Variants in TRPV3 observed in about 807,000 individuals in gnomAD.
TRPV3 encodes VRL-3.
A neutral mutation model predicts 87.1 loss-of-function variants in TRPV3; 88 were observed. That is an observed-to-expected ratio of 1.01 (90% CI 0.85 to 1.21). TRPV3 has a LOEUF of 1.21. Among genes scored for constraint, TRPV3 ranks in the 50% most tolerant of loss-of-function variants. The probability of loss-of-function intolerance (pLI) is 0.00; values close to 1 mark genes in which losing one functional copy is unlikely to be tolerated. For synonymous variants in TRPV3, 438 were observed against 423.3 expected (o/e 1.03, Z -0.43); for missense variants, 1,054 against 1,030.1 (o/e 1.02, Z -0.32).
chr17:3,532,857 T>C lies in TRPV3; in HGVS notation c.865A>G (p.Ile289Val), dbSNP rs750019389. The change falls in exon 8 of 18, where the codon ATC becomes GTC. Residue 289 changes from isoleucine (I) to valine (V), a missense_variant. Transcript: ENST00000576742. ...TTGCCTCGTGAGTCCCGCGAGGTGA[T>C]GTCCGTCTGCTCGTGCTCCATCAGC... ...QLLMEHEQTD[I>V]TSRDSRGNNI... The C allele has an allele frequency of 1.2e-6, 2 of 1,614,248 alleles. No individual in the cohort carries two copies. The highest frequency in any genetic ancestry group is 3.3e-5 in the Admixed American group (2 of 60,034).
In TRPV3 at chr17:3,518,522, T is replaced by G; in HGVS notation, c.2085+54A>C. 1 of 1,511,888 alleles carries G rather than the reference T, an allele frequency of 6.6e-7. No individual in the cohort carries two copies. Among genetic ancestry groups the G allele is most frequent in the Non-Finnish European group, 8.9e-7 (1 of 1,127,660 alleles). 93.7% of individuals were successfully genotyped at this position (1,511,888 alleles called of 1,614,324 possible). ...GTGCTGACAGTAGTCAATGACCACG[T>G]GCTGAACTGAGTCCCGTGGAGGCCC... On this transcript the variant is annotated intron_variant, in intron 15 of 17. Coordinates refer to ENST00000576742, the MANE Select transcript of TRPV3 (RefSeq NM_145068.4). The surrounding 1 kb of genome is among the most constrained non-coding windows in gnomAD (Gnocchi z 4.3).
intron 14 of TRPV3, among the ~76,000 whole-genome samples, chr17:3,519,632 GATTAGATGGATGATTA>G (rs2074221391): frequency 6.4e-5 from 5 of 77,608 alleles, no homozygotes; most frequent in African/African-American, 2.4e-4. Flanking sequence ...ATGGATGGAT[GATTAGATGGATGATTA>G]GATGGATGGA....
intron 15 of TRPV3, among the ~76,000 whole-genome samples, chr17:3,517,634 A>T (rs2074194937): frequency 6.6e-6 from 1 of 150,896 alleles, no homozygotes; most frequent in Admixed American, 6.6e-5. Flanking sequence ...AAAAAAAAAA[A>T]AAAAAAAGGA....
At chr17:3,516,066 G>A (rs1264172664) in intron 16 of TRPV3, among the ~76,000 whole-genome samples, 1 of 152,038 alleles carries the variant, frequency 6.6e-6, no homozygotes, top group Non-Finnish European at 1.5e-5. Context: ...CATGCCTGTA[G>A]TCCCAGCTAC....
chr17:3,530,346 C>A lies in TRPV3; in HGVS notation c.1066-143G>T. 1 of 725,412 alleles carries A rather than the reference C, an allele frequency of 1.4e-6. No homozygotes were observed. The highest frequency in any genetic ancestry group is 2.2e-6 in the Non-Finnish European group (1 of 458,268). 44.9% of individuals were successfully genotyped at this position (725,412 alleles called of 1,614,324 possible). On this transcript the variant is annotated intron_variant, in intron 8 of 17. Coordinates refer to ENST00000576742, the MANE Select transcript of TRPV3 (RefSeq NM_145068.4). This position sits in a 1 kb window ranked among gnomAD's most constrained non-coding sequence, Gnocchi z 4.0. ...CCTGCCTCTGCGCCTGGCGCCATGGCCCCTGGGCCCCGTCTTTATCTGTGG... is the reference window on the plus strand; with the variant it reads ...CCTGCCTCTGCGCCTGGCGCCATGGACCCTGGGCCCCGTCTTTATCTGTGG...
At chr17:3,540,398 A>C (rs1353799981) in intron 6 of TRPV3, among the ~76,000 whole-genome samples, 1 of 152,156 alleles carries the variant, frequency 6.6e-6, no homozygotes, top group Non-Finnish European at 1.5e-5. Flanking sequence ...GAGAAAGAGG[A>C]GGTGCCCACA....
chr17:3,520,974 T>G lies in TRPV3; in HGVS notation c.1809A>C (p.Val603=), dbSNP rs763527283. Residue 603 remains valine, a splice_region_variant and synonymous_variant, in exon 14 of 18, where the codon GTA becomes GTC. Transcript: ENST00000576742. The stretch of plus-strand genomic sequence containing the variant: ...TACTATTATTTATAAATCAATTACC[T>G]ACTCCAAATCCAAGCAAAAACACGA... ...VYIVFLLGFG[V]ALASLIEKCP... The G allele has an allele frequency of 1.3e-6, 2 of 1,589,828 alleles. No individual in the cohort carries two copies. Among genetic ancestry groups the G allele is most frequent in the African/African-American group, 2.7e-5 (2 of 74,348 alleles).
intron 17 of TRPV3, 66 bp from the exon 18 acceptor site, chr17:3,514,077 T>C (rs1022124672): frequency 5.4e-5 from 73 of 1,344,226 alleles, no homozygotes; most frequent in Non-Finnish European, 6.8e-5. Flanking sequence ...CTTTTTTCTT[T>C]TTCTTTTTTT....
chr17:3,521,927 T>G (rs1276358894), intron 13 of TRPV3, among the ~76,000 whole-genome samples: 1 of 151,800 alleles, frequency 6.6e-6, no homozygotes, highest in East Asian at 1.9e-4. Flanking sequence ...AATACAAAAA[T>G]TAGCTGGGTG....
chr17:3,537,907 A>G lies in TRPV3; in HGVS notation c.644-2194T>C, dbSNP rs1456329314. Among the ~76,000 whole-genome samples, 212 of 138,912 alleles carry G rather than the reference A, an allele frequency of 1.5e-3. 1 individual carries two copies. The highest frequency in any genetic ancestry group is 2.4e-3 in the Non-Finnish European group (153 of 64,538). The allele number at this position is 138,912 out of a possible 152,430, so 91.1% of individuals were successfully genotyped here. On this transcript the variant is annotated intron_variant, in intron 6 of 17. Coordinates refer to ENST00000576742, the MANE Select transcript of TRPV3 (RefSeq NM_145068.4). The stretch of plus-strand genomic sequence containing the variant: ...TCTGTCTTTTTAAAAAAAAAAAAAA[A>G]AAAAAGGCATGCCAGGCACGGTGGC...
At position 3,556,121 on chromosome 17, in the gene TRPV3, G is replaced by T. The variant is rs2074629063; in HGVS notation, c.-2-1269C>A. 6.6e-6 allele frequency among the ~76,000 whole-genome samples: 1 copy of T among 151,606 alleles called. No individual in the cohort carries two copies. Among genetic ancestry groups the T allele is most frequent in the African/African-American group, 2.4e-5 (1 of 41,242 alleles). On this transcript the variant is annotated intron_variant, in intron 1 of 17. Transcript: ENST00000576742. The surrounding 1 kb of genome is among the most constrained non-coding windows in gnomAD (Gnocchi z 4.2). ...GAATCCAGGAGGCAGAGGTTGGATT[G>T]AGCCGAGATTGTGCCACTGCACTCC...
At chr17:3,521,375 C>T (rs2074244600) in intron 13 of TRPV3, among the ~76,000 whole-genome samples, 1 of 152,118 alleles carries the variant, frequency 6.6e-6, no homozygotes. Context: ...AAGAGCTGAT[C>T]GTTAAATTCT....
intron 6 of TRPV3, among the ~76,000 whole-genome samples, chr17:3,538,327 A>G (rs2074427031): frequency 6.6e-6 from 1 of 152,142 alleles, no homozygotes; most frequent in Non-Finnish European, 1.5e-5. Flanking sequence ...AGGAGAAAAT[A>G]CACACAGTGA....
chr17:3,533,829 C>T (rs1220454505), intron 7 of TRPV3, among the ~76,000 whole-genome samples: 1 of 152,114 alleles, frequency 6.6e-6, no homozygotes, highest in Non-Finnish European at 1.5e-5. Context: ...CTTATCATTT[C>T]ATATCATAGT....
Position 3,535,619 on chromosome 17 carries a change from C to G in TRPV3, c.738G>C (p.Lys246Asn). The G allele has an allele frequency of 1.2e-6, 2 of 1,609,836 alleles. No individual in the cohort carries two copies. The highest frequency in any genetic ancestry group is 1.7e-6 in the Non-Finnish European group (2 of 1,178,756). Residue 246 changes from lysine to asparagine, a missense_variant, in exon 7 of 18, where the codon AAG becomes AAC. Physicochemically the swap from Lys to Asn is moderately conservative, Grantham distance 94 (BLOSUM62 0). Coordinates refer to ENST00000576742, the MANE Select transcript of TRPV3 (RefSeq NM_145068.4). ...GGTACTTGGGGTTGAAGAAGGCCCC[C>G]TTGGCGTGCGCGTTGACGTCGGCGC... is the stretch of plus-strand genomic sequence containing the variant. ...AAGADVNAHA[K>N]GAFFNPKYQH...
chr17:3,521,317 C>G (rs2074243858), intron 13 of TRPV3, among the ~76,000 whole-genome samples: 1 of 152,228 alleles, frequency 6.6e-6, no homozygotes, highest in Admixed American at 6.5e-5. Flanking sequence ...GGAATCCTCA[C>G]ACTTGCTGGG....
Position 3,513,937 on chromosome 17 carries a change from A to G in TRPV3, c.2353T>C (p.Phe785Leu). 6.2e-7 allele frequency: 1 copy of G among 1,614,194 alleles called. No homozygotes were observed. Among genetic ancestry groups the G allele is most frequent in the East Asian group, 2.2e-5 (1 of 44,888 alleles). Residue 785 changes from phenylalanine to leucine, a missense_variant, in exon 18 of 18, where the codon TTC becomes CTC. Coordinates refer to ENST00000576742, the MANE Select transcript of TRPV3 (RefSeq NM_145068.4). ...TLNAFEEVEEFPETSV is the reference protein window; with the variant it reads ...TLNAFEEVEELPETSV ...CGCTTCTACACCGAGGTTTCCGGGAATTCCTCGACTTCTTCAAATGCATTG... is the reference window on the plus strand; with the variant it reads ...CGCTTCTACACCGAGGTTTCCGGGAGTTCCTCGACTTCTTCAAATGCATTG...
chr17:3,556,463 A>C lies in TRPV3; in HGVS notation c.-3+1213T>G, dbSNP rs1442158828. Among the ~76,000 whole-genome samples the C allele has an allele frequency of 6.6e-6, 1 of 152,034 alleles. No individual in the cohort carries two copies. Among genetic ancestry groups the C allele is most frequent in the Non-Finnish European group, 1.5e-5 (1 of 67,954 alleles). Reference sequence around the variant, plus strand: ...TGTGTGGTCAGGGGGTGCCACTCTCAGCTTGAATCATCCTCAGGGGACTCA... The same window carrying C: ...TGTGTGGTCAGGGGGTGCCACTCTCCGCTTGAATCATCCTCAGGGGACTCA... On this transcript the variant is annotated intron_variant, in intron 1 of 17. Coordinates refer to ENST00000576742, the MANE Select transcript of TRPV3 (RefSeq NM_145068.4). This position sits in a 1 kb window ranked among gnomAD's most constrained non-coding sequence, Gnocchi z 4.2.
intron 14 of TRPV3, among the ~76,000 whole-genome samples, chr17:3,519,602 CTGGATGGA>C (rs60629683): frequency 5.3e-5 from 5 of 93,682 alleles, no homozygotes; most frequent in South Asian, 4.6e-4. Flanking sequence ...GGATGGATGA[CTGGATGGA>C]TGGATGGATG....
Sources: gnomAD v4.1 joint callset for allele counts (sites outside exome capture counted in the v4.1 genomes callset) on GRCh38, gnomAD v4.1.1 for gene constraint, Gnocchi (gnomAD v3.1) non-coding constraint, MANE v1.5 for transcripts, NCBI Gene and HGNC (gene_info 2026-07-23, HGNC 2026-07-21) for gene names.